PSMG2: variants seen among roughly 807,000 people sequenced by gnomAD.
The protein encoded by PSMG2 is proteasome assembly chaperone 2, also known as CD40 ligand-activated specific transcript 3.
PSMG2 carries 21 observed loss-of-function variants against 31.5 expected under a neutral mutation model. That is an observed-to-expected ratio of 0.67 (90% confidence interval 0.47 to 0.96). The LOEUF (loss-of-function observed/expected upper bound fraction) is 0.96, where lower values mean the gene tolerates loss of function less well. Ranked by LOEUF, PSMG2 falls within the 40% of genes least tolerant of loss-of-function variation. The pLI is 0.00. For missense variants in PSMG2, 318 were observed against 321.2 expected (o/e 0.99, Z 0.08); for synonymous variants, 120 against 110.4 (o/e 1.09, Z -0.54).
Position 12,669,427 on chromosome 18 carries a change from T to C in PSMG2, c.-37+10654T>C, listed in dbSNP as rs867151927. 5.3e-4 allele frequency among the ~76,000 whole-genome samples: 80 copies of C among 152,062 alleles called. 1 individual carries two copies. Among genetic ancestry groups the C allele is most frequent in the African/African-American group, 1.8e-3 (76 of 41,522 alleles). On this transcript the variant is annotated intron_variant, in intron 1 of 6. Transcript: ENST00000585331. ...GCGCCTGGCCCCAATTTTTTTTATT[T>C]TTCAGAGATGCCATCTCACTATGTT...
At chr18:12,669,238 G>A (rs969332266) in intron 1 of PSMG2, among the ~76,000 whole-genome samples, 6 of 151,332 alleles carry the variant, frequency 4.0e-5, no homozygotes, top group Non-Finnish European at 2.9e-5. Flanking sequence ...TCAGCCTCCC[G>A]AGTAGCTGGG....
intron 1 of PSMG2, among the ~76,000 whole-genome samples, chr18:12,675,805 A>C (rs904758455): frequency 2.0e-5 from 3 of 151,918 alleles, no homozygotes; most frequent in Admixed American, 6.6e-5. Context: ...AGTAGCTGGG[A>C]CTACAGACAC....
At chr18:12,678,934 C>T (rs1487867780) in intron 1 of PSMG2, 1 of 151,768 alleles carries the variant, frequency 6.6e-6, no homozygotes, top group African/African-American at 2.4e-5. Flanking sequence ...GGCGAAACTC[C>T]ATCTCCAAGA....
At chr18:12,663,267 A>C (rs374087754) in intron 1 of PSMG2, among the ~76,000 whole-genome samples, 44 of 152,336 alleles carry the variant, frequency 2.9e-4, no homozygotes, top group African/African-American at 1.0e-3. Flanking sequence ...AATTAAAAAC[A>C]AAATAAGGCC....
intron 1 of PSMG2, chr18:12,697,343 G>A: frequency 6.2e-7 from 1 of 1,613,426 alleles, no homozygotes. Flanking sequence ...GTTTTGATTA[G>A]CACCATATGA....
chr18:12,700,338 G>A (rs2040109101), upstream of PSMG2: 2 of 153,006 alleles, frequency 1.3e-5, no homozygotes, highest in African/African-American at 4.8e-5. Flanking sequence ...AAAAGGTGCT[G>A]TATTAAAATA....
At chr18:12,707,463 C>G (rs549786079) in intron 2 of PSMG2, among the ~76,000 whole-genome samples, 1 of 151,690 alleles carries the variant, frequency 6.6e-6, no homozygotes, top group South Asian at 2.1e-4. Flanking sequence ...TCGTAGTCAT[C>G]TTCTTCCATT....
At chr18:12,707,166 G>C (rs1262686264) in intron 2 of PSMG2, among the ~76,000 whole-genome samples, 1 of 152,090 alleles carries the variant, frequency 6.6e-6, no homozygotes, top group Admixed American at 6.6e-5. Context: ...CACTGTGTTA[G>C]CCAGGATGGT....
chr18:12,693,714 C>G (rs2039849167), intron 1 of PSMG2, among the ~76,000 whole-genome samples: 2 of 152,134 alleles, frequency 1.3e-5, no homozygotes, highest in African/African-American at 4.8e-5. Flanking sequence ...ACTCGGCAGG[C>G]AGACGTTGCA....
chr18:12,694,530 G>C (rs113911519), intron 1 of PSMG2, among the ~76,000 whole-genome samples: 2,220 of 152,178 alleles, frequency 0.015, 64 homozygotes, highest in African/African-American at 0.051. Context: ...AGTGGAATTA[G>C]GGAAAAAAGC....
upstream of PSMG2, chr18:12,699,212 T>A: frequency 6.4e-7 from 1 of 1,573,222 alleles, no homozygotes; most frequent in Non-Finnish European, 8.7e-7. Flanking sequence ...AGCTGTAAAG[T>A]GTAGCAATAT....
rs144282853 is a variant in PSMG2 at position 12,661,551 on chromosome 18, C to T, written c.-37+2778C>T. On this transcript the variant is annotated intron_variant, in intron 1 of 6. Transcript: ENST00000585331. ...CTTTGGGAAGCCAACGCAGGCAGAT[C>T]GCTTGAGGCCATGAGTTCGAGACCA... Among the ~76,000 whole-genome samples, 175 of 152,176 alleles carry T rather than the reference C, an allele frequency of 1.1e-3. 1 individual carries two copies. The highest frequency in any genetic ancestry group is 7.2e-3 in the East Asian group (37 of 5,168).
At chr18:12,691,705 C>G (rs1163052863) in intron 1 of PSMG2, among the ~76,000 whole-genome samples, 1 of 145,482 alleles carries the variant, frequency 6.9e-6, no homozygotes, top group Non-Finnish European at 1.5e-5. Context: ...TCCTCAAAGA[C>G]AGAATTTTTT....
intron 1 of PSMG2, chr18:12,674,500 T>A (rs1645666557): frequency 6.6e-7 from 1 of 1,519,572 alleles, no homozygotes; most frequent in South Asian, 1.1e-5. Context: ...GTAAGACTCC[T>A]AAACTGAAAA....
intron 2 of PSMG2, among the ~76,000 whole-genome samples, chr18:12,709,226 T>TACAAAATACA (rs939207090): frequency 6.6e-6 from 1 of 151,462 alleles, no homozygotes; most frequent in Non-Finnish European, 1.5e-5. Flanking sequence ...TTTGTATTTT[T>TACAAAATACA]AGTAGAGACG....
chr18:12,707,439 A>G (rs2040281083), intron 2 of PSMG2, among the ~76,000 whole-genome samples: 2 of 152,186 alleles, frequency 1.3e-5, no homozygotes, highest in South Asian at 2.1e-4. Context: ...TGTTACGTCA[A>G]CTAAGTCTTA....
intron 1 of PSMG2, chr18:12,686,256 TA>T (rs753274730): frequency 5.6e-6 from 9 of 1,606,802 alleles, no homozygotes; most frequent in Non-Finnish European, 7.7e-6. Context: ...TATGTGTGTA[TA>T]ATACCTTGTT....
Position 12,720,580 on chromosome 18 carries a change from T to TG in PSMG2, c.481dup (p.Glu161GlyfsTer11). On this transcript the variant is annotated frameshift_variant, in exon 5 of 7. Transcript: ENST00000317615. LOFTEE classifies it high-confidence loss of function. ...TCAAAATAAAATAAAGAGCCTTAAC[T>TG]GGGAAGAAATGGAAAAAAGCCGGTG... The TG allele has an allele frequency of 1.2e-6, 2 of 1,613,640 alleles. No individual in the cohort carries two copies. The highest frequency in any genetic ancestry group is 1.7e-6 in the Non-Finnish European group (2 of 1,179,746).
chr18:12,659,222 T>C (rs1236676743), intron 1 of PSMG2, among the ~76,000 whole-genome samples: 1 of 152,072 alleles, frequency 6.6e-6, no homozygotes, highest in African/African-American at 2.4e-5. Context: ...ATGTAAAATG[T>C]TAGAAATCAC....
Sources: allele counts gnomAD v4.1 joint callset (sites outside exome capture counted in the v4.1 genomes callset), GRCh38; gene constraint gnomAD v4.1.1; transcripts MANE v1.5; gene names NCBI Gene and HGNC (gene_info 2026-07-23, HGNC 2026-07-21).